The following RGS6 variants were observed in gnomAD, a reference collection of about 807,000 sequenced individuals.
RGS6 encodes regulator of G protein signaling 6, also known as regulator of G-protein signaling 6.
RGS6 carries 30 observed loss-of-function variants against 78.5 expected under a neutral mutation model. That is an observed-to-expected ratio of 0.38 (90% confidence interval 0.29 to 0.52). RGS6 has a LOEUF of 0.52. RGS6 is among the 20% of genes least tolerant of loss of function. The pLI, the probability that RGS6 is intolerant of heterozygous loss-of-function variation, is 0.85. For missense variants in RGS6, 495 were observed against 609.7 expected (o/e 0.81, Z 1.98); for synonymous variants, 206 against 206.0 (o/e 1.00, Z 0.00).
chr14:72,469,949 G>A, intron 7 of RGS6, 58 bp from the exon 8 acceptor site: 1 of 1,226,460 alleles, frequency 8.2e-7, no homozygotes, highest in Non-Finnish European at 1.2e-6. Flanking sequence ...AAGCATAGGT[G>A]TCGATGTGCT....
Position 71,935,384 on chromosome 14 carries a change from A to G in RGS6, c.-21+2443A>G, listed in dbSNP as rs373426205. ...ATTCTTCCAAATATTATTCTAGTCA[A>G]TTATTTCTACCCAGTCCCCCTCCCC... On this transcript the variant is annotated intron_variant, in intron 1 of 17. Coordinates refer to ENST00000553525, the MANE Select transcript of RGS6 (RefSeq NM_001204424.2). Among the ~76,000 whole-genome samples, 70 of 152,278 alleles carry G rather than the reference A, an allele frequency of 4.6e-4. No homozygotes were observed. In the South Asian group the frequency reaches 0.014, roughly 31 times the overall value.
intron 8 of RGS6, among the ~76,000 whole-genome samples, chr14:72,470,912 G>A (rs964043499): frequency 1.1e-4 from 16 of 150,992 alleles, no homozygotes; most frequent in African/African-American, 1.5e-4. Context: ...ATTATAGGGC[G>A]TGACACTGGA....
chr14:72,125,408 T>C (rs2096164390), intron 2 of RGS6, among the ~76,000 whole-genome samples: 1 of 152,106 alleles, frequency 6.6e-6, no homozygotes, highest in African/African-American at 2.4e-5. Context: ...CCCCCATGCC[T>C]CCTTCTTCAC....
intron 2 of RGS6, among the ~76,000 whole-genome samples, chr14:72,321,396 A>G (rs4899431): frequency 1.3e-5 from 2 of 151,948 alleles, no homozygotes; most frequent in Non-Finnish European, 2.9e-5. Flanking sequence ...AAACTCCCAT[A>G]TTAAAAAAAA....
chr14:71,989,614 C>T (rs549940585), intron 2 of RGS6, among the ~76,000 whole-genome samples: 5 of 152,316 alleles, frequency 3.3e-5, no homozygotes, highest in South Asian at 2.1e-4. Context: ...CTTTTAGTGG[C>T]AGAGCCAGAC....
intron 2 of RGS6, among the ~76,000 whole-genome samples, chr14:72,196,848 G>A (rs1174924518): frequency 2.0e-5 from 3 of 152,232 alleles, no homozygotes; most frequent in South Asian, 4.1e-4. Flanking sequence ...CAAGGCTGAT[G>A]TAGCCGCTTC....
At chr14:72,259,282 CTATA>C (rs1224446825) in intron 2 of RGS6, among the ~76,000 whole-genome samples, 1 of 152,024 alleles carries the variant, frequency 6.6e-6, no homozygotes, top group Admixed American at 6.5e-5. Context: ...AATATTGTAA[CTATA>C]TATCAAAATT....
intron 2 of RGS6, among the ~76,000 whole-genome samples, chr14:72,161,490 C>T (rs996060034): frequency 2.6e-5 from 4 of 152,150 alleles, no homozygotes; most frequent in African/African-American, 9.7e-5. Context: ...AGAATCTGTG[C>T]GAATCTCCTT....
intron 2 of RGS6, among the ~76,000 whole-genome samples, chr14:72,245,626 G>T (rs1327685878): frequency 6.6e-6 from 1 of 152,168 alleles, no homozygotes; most frequent in African/African-American, 2.4e-5. Context: ...CTTCCAGCTT[G>T]GGCGTTATCC....
chr14:72,006,846 G>C (rs1163928855), intron 2 of RGS6, among the ~76,000 whole-genome samples: 1 of 152,212 alleles, frequency 6.6e-6, no homozygotes, highest in Non-Finnish European at 1.5e-5. Flanking sequence ...GACTTTGAAC[G>C]AGGCAGCGGG....
chr14:72,442,619 C>A (rs2095245846), intron 3 of RGS6, among the ~76,000 whole-genome samples: 1 of 152,182 alleles, frequency 6.6e-6, no homozygotes, highest in South Asian at 2.1e-4. Flanking sequence ...ATAAACTCAC[C>A]ACTTACTGAC....
At chr14:72,499,365 G>T (rs1322013463) in intron 13 of RGS6, among the ~76,000 whole-genome samples, 1 of 152,178 alleles carries the variant, frequency 6.6e-6, no homozygotes, top group Non-Finnish European at 1.5e-5. Context: ...TTTTGGCCAT[G>T]TGGAACCTGA....
intron 2 of RGS6, among the ~76,000 whole-genome samples, chr14:72,162,373 G>A (rs986141233): frequency 3.9e-5 from 6 of 152,158 alleles, no homozygotes; most frequent in African/African-American, 1.4e-4. Flanking sequence ...TCACAGCAAA[G>A]ATAAGGCTAA....
intron 2 of RGS6, among the ~76,000 whole-genome samples, chr14:72,153,548 T>G (rs1192972662): frequency 6.6e-6 from 1 of 152,220 alleles, no homozygotes; most frequent in Non-Finnish European, 1.5e-5. Context: ...ATGTAGGTTC[T>G]TTCTATTTTC....
At chr14:72,264,396 A>T (rs1260693931) in intron 2 of RGS6, among the ~76,000 whole-genome samples, 3 of 152,224 alleles carry the variant, frequency 2.0e-5, no homozygotes, top group African/African-American at 7.2e-5. Flanking sequence ...CAATATCTTC[A>T]CTTTGAGTGG....
At position 72,116,478 on chromosome 14, in the gene RGS6, C is replaced by G. The variant is rs144281700; in HGVS notation, c.84+151603C>G. On this transcript the variant is annotated intron_variant, in intron 2 of 17. Coordinates refer to ENST00000553525, the MANE Select transcript of RGS6 (RefSeq NM_001204424.2). The stretch of plus-strand genomic sequence containing the variant: ...TAGGATGTTTAACAGTGTTCCTGGC[C>G]TTTGCCTACTAGATGCTGGTATTCC... 1.1e-4 allele frequency among the ~76,000 whole-genome samples: 17 copies of G among 151,632 alleles called. 1 individual carries two copies. In the East Asian group the frequency reaches 3.3e-3, roughly 29 times the overall value.
chr14:72,453,980 A>AT (rs1188524524), intron 3 of RGS6, among the ~76,000 whole-genome samples: 1 of 152,238 alleles, frequency 6.6e-6, no homozygotes, highest in African/African-American at 2.4e-5. Flanking sequence ...CTCAGTCCAT[A>AT]TCTAAGTGCA....
In RGS6 at chr14:72,527,049, G is replaced by C. The variant is rs138662382; in HGVS notation, c.1278+8512G>C. On this transcript the variant is annotated intron_variant, in intron 15 of 17. Coordinates refer to ENST00000553525, the MANE Select transcript of RGS6 (RefSeq NM_001204424.2). ...AGCCCTCAACGCTTTACCAGGTTGG[G>C]ACCTTGTTTCCAAAGATGTTCATAG... 2.3e-3 allele frequency among the ~76,000 whole-genome samples: 352 copies of C among 152,316 alleles called. 2 individuals carry two copies. The highest frequency in any genetic ancestry group is 8.3e-3 in the African/African-American group (345 of 41,566).
intron 2 of RGS6, among the ~76,000 whole-genome samples, chr14:72,094,703 A>G (rs1341278945): frequency 6.6e-6 from 1 of 152,084 alleles, no homozygotes; most frequent in Non-Finnish European, 1.5e-5. Flanking sequence ...TTTTTTACAG[A>G]CATTTAGTTT....
Sources: gnomAD v4.1 joint callset for allele counts (sites outside exome capture counted in the v4.1 genomes callset) on GRCh38, gnomAD v4.1.1 for gene constraint, MANE v1.5 for transcripts, NCBI Gene and HGNC (gene_info 2026-07-23, HGNC 2026-07-21) for gene names.